REEP3: variants seen among roughly 807,000 people sequenced by gnomAD.
REEP3 encodes the protein receptor expression-enhancing protein 3.
In REEP3, 20 loss-of-function variants were observed where a neutral mutation model predicts 41.3. That is an observed-to-expected ratio of 0.48 (90% CI 0.34 to 0.70). REEP3 has a LOEUF of 0.70. Among genes scored for constraint, REEP3 ranks in the 30% least tolerant of loss-of-function variants. The pLI is 0.01. For synonymous variants in REEP3, 104 were observed against 101.8 expected (o/e 1.02, Z -0.13); for missense variants, 271 against 308.8 (o/e 0.88, Z 0.92).
chr10:63,591,042 T>G (rs1245365485), intron 2 of REEP3, among the ~76,000 whole-genome samples: 1 of 152,134 alleles, frequency 6.6e-6, no homozygotes, highest in Non-Finnish European at 1.5e-5. Context: ...GTATTAATAC[T>G]ACATTCTGTT....
At chr10:63,543,208 A>G (rs946313377) in intron 1 of REEP3, among the ~76,000 whole-genome samples, 12 of 152,226 alleles carry the variant, frequency 7.9e-5, no homozygotes, top group African/African-American at 2.9e-4. Flanking sequence ...ATTTCCCACA[A>G]ATCTGTTCAC....
chr10:63,535,769 A>C (rs1383120672), intron 1 of REEP3, among the ~76,000 whole-genome samples: 1 of 152,202 alleles, frequency 6.6e-6, no homozygotes, highest in African/African-American at 2.4e-5. Flanking sequence ...GTGTTGTGAT[A>C]ATTGGTTATC....
intron 5 of REEP3, among the ~76,000 whole-genome samples, chr10:63,607,842 G>C (rs527937957): frequency 6.6e-6 from 1 of 152,280 alleles, no homozygotes; most frequent in South Asian, 2.1e-4. Context: ...TGTTGATTAT[G>C]CTTGTTAAAC....
intron 5 of REEP3, among the ~76,000 whole-genome samples, chr10:63,605,470 A>G (rs1956216336): frequency 6.6e-6 from 1 of 152,218 alleles, no homozygotes; most frequent in South Asian, 2.1e-4. Flanking sequence ...ATAGTATAAT[A>G]AGAATTATTC....
At chr10:63,560,643 G>A (rs1955732087) in intron 1 of REEP3, among the ~76,000 whole-genome samples, 1 of 152,158 alleles carries the variant, frequency 6.6e-6, no homozygotes, top group African/African-American at 2.4e-5. Context: ...CGGAAATGAG[G>A]CAAAGAGGAA....
chr10:63,585,604 A>C (rs980165651), intron 2 of REEP3, among the ~76,000 whole-genome samples: 9 of 152,146 alleles, frequency 5.9e-5, no homozygotes, highest in African/African-American at 2.2e-4. Context: ...TTTTGTTTGT[A>C]GTAGGCCCTA....
intron 6 of REEP3, among the ~76,000 whole-genome samples, chr10:63,618,097 A>G (rs960132882): frequency 7.9e-5 from 12 of 151,852 alleles, no homozygotes; most frequent in African/African-American, 2.7e-4. Flanking sequence ...AAGTGCTGGG[A>G]TTACAGGTGT....
chr10:63,618,542 C>T (rs567561719), intron 6 of REEP3, among the ~76,000 whole-genome samples: 8 of 152,094 alleles, frequency 5.3e-5, no homozygotes, highest in Admixed American at 2.6e-4. Context: ...CCACCATGCC[C>T]GGCCTCTTCA....
intron 4 of REEP3, 51 bp downstream of exon 4, chr10:63,598,195 G>A (rs1036078168): frequency 2.6e-5 from 36 of 1,363,858 alleles, no homozygotes; most frequent in South Asian, 2.3e-4. Flanking sequence ...ATGCCTAAGC[G>A]GAGGCCAGGT....
chr10:63,609,004 G>A (rs921257353), intron 5 of REEP3, among the ~76,000 whole-genome samples: 39 of 152,180 alleles, frequency 2.6e-4, no homozygotes, highest in African/African-American at 9.2e-4. Context: ...TAGAGTAGTA[G>A]ATATGTCTTG....
At chr10:63,578,632 C>A (rs2133386575) in intron 2 of REEP3, among the ~76,000 whole-genome samples, 1 of 152,054 alleles carries the variant, frequency 6.6e-6, no homozygotes, top group African/African-American at 2.4e-5. Context: ...CAAAAATTAT[C>A]CAGGTGTGAT....
At chr10:63,592,176 T>TTTAAACAA (rs1956070218) in intron 2 of REEP3, among the ~76,000 whole-genome samples, 2 of 152,196 alleles carry the variant, frequency 1.3e-5, no homozygotes, top group Non-Finnish European at 2.9e-5. Context: ...ACTGGTCTGA[T>TTTAAACAA]GGCAGCCGCT....
chr10:63,585,771 T>C, intron 2 of REEP3, among the ~76,000 whole-genome samples: 1 of 152,288 alleles, frequency 6.6e-6, no homozygotes, highest in African/African-American at 2.4e-5. Context: ...GAAAAATACT[T>C]TGAAGTTAAT....
intron 1 of REEP3, among the ~76,000 whole-genome samples, chr10:63,537,762 C>T (rs1368354092): frequency 1.3e-5 from 2 of 152,138 alleles, no homozygotes; most frequent in Non-Finnish European, 2.9e-5. Context: ...AGGGAAGGGG[C>T]TGCACCTGTC....
chr10:63,540,089 A>G (rs1016647434), intron 1 of REEP3, among the ~76,000 whole-genome samples: 1 of 152,256 alleles, frequency 6.6e-6, no homozygotes, highest in Admixed American at 6.5e-5. Context: ...GAAGCTTAAC[A>G]GTAAGCAACA....
At chr10:63,556,662 G>T (rs1249692190) in intron 1 of REEP3, among the ~76,000 whole-genome samples, 1 of 117,548 alleles carries the variant, frequency 8.5e-6, no homozygotes, top group Non-Finnish European at 1.7e-5. Context: ...TTGAGACGGA[G>T]TCTCGCTCTG....
intron 2 of REEP3, among the ~76,000 whole-genome samples, chr10:63,569,008 A>C (rs1183629819): frequency 1.3e-5 from 2 of 152,166 alleles, no homozygotes; most frequent in African/African-American, 4.8e-5. Context: ...ATTACTGTCA[A>C]ATAATGTACT....
At chr10:63,558,358 G>A (rs1352761367) in intron 1 of REEP3, among the ~76,000 whole-genome samples, 2 of 152,208 alleles carry the variant, frequency 1.3e-5, no homozygotes, top group Non-Finnish European at 2.9e-5. Context: ...TCTCTGACTT[G>A]ATCACAAGAA....
intron 1 of REEP3, among the ~76,000 whole-genome samples, chr10:63,525,580 A>G (rs1052710283): frequency 6.6e-6 from 1 of 151,996 alleles, no homozygotes; most frequent in African/African-American, 2.4e-5. Context: ...TACCATGCCC[A>G]GCTAATTTTT....
Sources: gnomAD v4.1 joint callset for allele counts (sites outside exome capture counted in the v4.1 genomes callset) on GRCh38, gnomAD v4.1.1 for gene constraint, MANE v1.5 for transcripts, NCBI Gene and HGNC (gene_info 2026-07-23, HGNC 2026-07-21) for gene names.